TICRR: variants seen among roughly 807,000 people sequenced by gnomAD.
TICRR encodes TOPBP1 interacting checkpoint and replication regulator, also known as treslin.
A neutral mutation model predicts 178.1 loss-of-function variants in TICRR; 132 were observed. The observed-to-expected ratio is 0.74, with a 90% CI of 0.64 to 0.86. The LOEUF is 0.86. Among genes scored for constraint, TICRR ranks in the 40% least tolerant of loss-of-function variants. The pLI is 0.00. For missense variants in TICRR, 2,587 were observed against 2,334.3 expected, an observed-to-expected ratio of 1.11 and a Z score of -2.23; for synonymous variants, 991 against 900.7, an observed-to-expected ratio of 1.10 and a Z score of -1.79.
chr15:89,580,420 G>A (rs1437970535), intron 1 of TICRR, among the ~76,000 whole-genome samples: 2 of 152,216 alleles, frequency 1.3e-5, no homozygotes, highest in East Asian at 3.9e-4. Flanking sequence ...CAAAATTTTT[G>A]TGTCCATTTG....
chr15:89,596,146 A>C (rs1280930847), intron 7 of TICRR, among the ~76,000 whole-genome samples: 1 of 152,228 alleles, frequency 6.6e-6, no homozygotes, highest in Admixed American at 6.5e-5. Flanking sequence ...TTTGACAAAG[A>C]TGCCCCAATA....
chr15:89,582,349 T>G (rs1229350552), intron 1 of TICRR: 1 of 173,136 alleles, frequency 5.8e-6, no homozygotes, highest in East Asian at 1.6e-4. Context: ...AAGGTTATTT[T>G]TATTAATGTA....
At chr15:89,592,980 C>G (rs1429636317) in intron 5 of TICRR, among the ~76,000 whole-genome samples, 1 of 152,222 alleles carries the variant, frequency 6.6e-6, no homozygotes, top group Non-Finnish European at 1.5e-5. Context: ...ACCACATTAT[C>G]TTCAATATTG....
intron 5 of TICRR, among the ~76,000 whole-genome samples, chr15:89,593,109 G>T (rs879460100): frequency 6.6e-6 from 1 of 151,892 alleles, no homozygotes. Flanking sequence ...TAGATACTTC[G>T]CATTTTCATA....
Position 89,625,225 on chromosome 15 carries a change from G to C in TICRR, c.4915G>C (p.Gly1639Arg), listed in dbSNP as rs988612122. Residue 1639 changes from glycine (G) to arginine (R), a missense_variant, in exon 20 of 22, where the codon GGG (glycine) becomes CGG (arginine). Transcript: ENST00000268138. ...CCACAGCACACCTGGCAAGAGCAGG[G>C]GGCAAACCTACATCTGCCAGGCCTG... is the stretch of plus-strand genomic sequence containing the variant. Reference protein sequence around the residue: ...LSHSTPGKSRGQTYICQACTP... With the variant: ...LSHSTPGKSRRQTYICQACTP... 3 of 1,613,580 alleles carry C rather than the reference G, an allele frequency of 1.9e-6. No homozygotes were observed. The highest frequency in any genetic ancestry group is 1.7e-4 in the Middle Eastern group (1 of 6,060).
chr15:89,604,414 G>A (rs1221242170), intron 13 of TICRR, among the ~76,000 whole-genome samples: 1 of 152,198 alleles, frequency 6.6e-6, no homozygotes, highest in Non-Finnish European at 1.5e-5. Flanking sequence ...ACAATGATTT[G>A]CAGATCTTTC....
chr15:89,604,119 A>G (rs541512047), intron 13 of TICRR, among the ~76,000 whole-genome samples: 41 of 152,362 alleles, frequency 2.7e-4, no homozygotes, highest in Middle Eastern at 3.4e-3. Context: ...TAAAAACACA[A>G]TGAAACTTTT....
chr15:89,576,315 A>G, intron 1 of TICRR, 75 bp downstream of exon 1: 1 of 1,379,736 alleles, frequency 7.2e-7, no homozygotes, highest in Non-Finnish European at 9.6e-7. Context: ...CAGCGTCCTT[A>G]GAACAGCCAC....
In TICRR at chr15:89,577,599, C is replaced by CTTTTTTTTTTTTTTT. The variant is rs71151513; in HGVS notation, c.654+1372_654+1386dup. 9.9e-5 allele frequency among the ~76,000 whole-genome samples: 6 copies of CTTTTTTTTTTTTTTT among 60,858 alleles called. 1 individual carries two copies. The highest frequency in any genetic ancestry group is 4.6e-4 in the African/African-American group (6 of 12,944). The allele number at this position is 60,858 out of a possible 152,430, so 39.9% of individuals were successfully genotyped here. ...ATACAGAGTGGTAGTGAGGGAAGGC[C>CTTTTTTTTTTTTTTT]TTTTTTTTTTTTTTTTTTTTTTTTT... On this transcript the variant is annotated intron_variant, in intron 1 of 21. Coordinates refer to ENST00000268138, the MANE Select transcript of TICRR (RefSeq NM_152259.4).
chr15:89,585,785 C>T lies in TICRR; in HGVS notation c.1254C>T (p.Ile418=). Reference sequence around the variant, plus strand: ...CCCCACTCTCTGCCAGTGCTATGATCCTCACTGTGTGCCGCACCAAGGAGG... The same window carrying T: ...CCCCACTCTCTGCCAGTGCTATGATTCTCACTGTGTGCCGCACCAAGGAGG... ...VISPLSASAM[I]LTVCRTKEAE... The change falls in exon 4 of 22, where the codon ATC becomes ATT. Residue 418 remains isoleucine (I), a synonymous_variant. Coordinates refer to ENST00000268138, the MANE Select transcript of TICRR (RefSeq NM_152259.4). 1 of 1,614,188 alleles carries T rather than the reference C, an allele frequency of 6.2e-7. No homozygotes were observed. Among genetic ancestry groups the T allele is most frequent in the Non-Finnish European group, 8.5e-7 (1 of 1,180,020 alleles).
At position 89,600,674 on chromosome 15, in the gene TICRR, C is replaced by T; in HGVS notation, c.2142C>T (p.Asp714=). 1 of 1,546,132 alleles carries T rather than the reference C, an allele frequency of 6.5e-7. No homozygotes were observed. The highest frequency in any genetic ancestry group is 8.9e-7 in the Non-Finnish European group (1 of 1,128,132). Residue 714 remains aspartate (D), a synonymous_variant, in exon 9 of 22, where the codon GAC becomes GAT. Transcript: ENST00000268138. ...TAGGAAAAAAACTGGATAAGGAAGA[C>T]AAAGTTAGAGAGTAAGTAACTACCA... ...QNLGKKLDKE[D]KVRECQLQVF... is the part of the protein sequence containing the mutation.
chr15:89,578,074 G>A (rs1962657328), intron 1 of TICRR, among the ~76,000 whole-genome samples: 2 of 152,142 alleles, frequency 1.3e-5, no homozygotes, highest in Admixed American at 6.6e-5. Context: ...AGACCTAGTA[G>A]GCAAGGGGAG....
At chr15:89,612,283 G>A (rs1011348388) in intron 15 of TICRR, among the ~76,000 whole-genome samples, 10 of 152,054 alleles carry the variant, frequency 6.6e-5, no homozygotes, top group African/African-American at 1.2e-4. Context: ...TTCCTTAAAT[G>A]TCTGATTCAA....
intron 7 of TICRR, 139 bp downstream of exon 7, chr15:89,595,750 G>A: frequency 3.0e-6 from 2 of 658,570 alleles, no homozygotes; most frequent in Non-Finnish European, 2.6e-6. Context: ...ATAAGATAAT[G>A]TGCTATTCTT....
At chr15:89,626,173 T>C (rs1195935516) in intron 21 of TICRR, 112 bp downstream of exon 21, 2 of 1,299,738 alleles carry the variant, frequency 1.5e-6, no homozygotes, top group Non-Finnish European at 2.1e-6. Flanking sequence ...AAGTGTGGGA[T>C]AGGTGACTTC....
chr15:89,576,860 T>TACAC (rs374061866), intron 1 of TICRR, among the ~76,000 whole-genome samples: 38 of 128,610 alleles, frequency 3.0e-4, no homozygotes, highest in African/African-American at 1.1e-3. Flanking sequence ...TATATATATA[T>TACAC]ACACACACAC....
At chr15:89,592,560 A>G (rs761430477) in intron 5 of TICRR, among the ~76,000 whole-genome samples, 2 of 152,192 alleles carry the variant, frequency 1.3e-5, no homozygotes, top group Non-Finnish European at 1.5e-5. Context: ...GTAAGGAAAA[A>G]AGTTAACAAC....
chr15:89,599,347 C>G lies in TICRR; in HGVS notation c.1924C>G (p.Leu642Val), dbSNP rs772979600. ...AGATTTTAAAACTGAGGAAGAGCTG[C>G]TATCATATATACGTGAAAATTACCA... Reference protein sequence around the residue: ...PKDFKTEEELLSYIRENYQKT... With the variant: ...PKDFKTEEELVSYIRENYQKT... Residue 642 changes from leucine (L) to valine (V), a missense_variant, in exon 8 of 22, where the codon CTA becomes GTA. Physicochemically the swap from Leu to Val is conservative, Grantham distance 32. Coordinates refer to ENST00000268138, the MANE Select transcript of TICRR (RefSeq NM_152259.4). 1 of 1,606,130 alleles carries G rather than the reference C, an allele frequency of 6.2e-7. No homozygotes were observed. The highest frequency in any genetic ancestry group is 1.1e-5 in the South Asian group (1 of 89,426).
Position 89,624,451 on chromosome 15 carries a change from G to A in TICRR, c.4141G>A (p.Val1381Ile). The change falls in exon 20 of 22, where the codon GTT (valine) becomes ATT (isoleucine). Residue 1381 changes from valine (V) to isoleucine (I), a missense_variant. By Grantham distance (29) the Val-to-Ile change is conservative. Transcript: ENST00000268138. ...CGTCCCTCCTCCACCCCCTTCTAAA[G>A]TTGGGAAACGGTGTAGAAAGACCTC... ...DTVPPPPPSK[V>I]GKRCRKTSDP... 1.2e-6 allele frequency: 2 copies of A among 1,614,140 alleles called. No homozygotes were observed. Among genetic ancestry groups the A allele is most frequent in the South Asian group, 1.1e-5 (1 of 91,084 alleles).
Sources: allele counts gnomAD v4.1 joint callset (sites outside exome capture counted in the v4.1 genomes callset), GRCh38; gene constraint gnomAD v4.1.1; transcripts MANE v1.5; gene names NCBI Gene and HGNC (gene_info 2026-07-23, HGNC 2026-07-21).